Variants in CNTN5 observed in about 807,000 individuals in gnomAD.
CNTN5 encodes the protein contactin 5, also known as contactin-5.
CNTN5 carries 77 observed loss-of-function variants against 129.1 expected under a neutral mutation model. That is an observed-to-expected ratio of 0.60 (90% CI 0.50 to 0.72). The LOEUF (loss-of-function observed/expected upper bound fraction) is 0.72. Among genes scored for constraint, CNTN5 ranks in the 30% least tolerant of loss-of-function variants. CNTN5 has a pLI of 0.00. For missense variants in CNTN5, 1,478 were observed against 1,328.8 expected (o/e 1.11, Z -1.75); for synonymous variants, 509 against 465.6 (o/e 1.09, Z -1.20).
chr11:100,273,438 CAG>C (rs893873178), intron 18 of CNTN5, among the ~76,000 whole-genome samples: 2 of 152,120 alleles, frequency 1.3e-5, no homozygotes, highest in Non-Finnish European at 2.9e-5. Context: ...CCGTTGCAGA[CAG>C]AGTCTTAGTG....
intron 2 of CNTN5, among the ~76,000 whole-genome samples, chr11:99,406,145 AT>A (rs1324151039): frequency 1.1e-4 from 16 of 151,828 alleles, no homozygotes; most frequent in Admixed American, 9.2e-4. Context: ...AGAGTTAGAT[AT>A]ATATTGTAGT....
Position 99,978,377 on chromosome 11 carries a change from G to A in CNTN5, c.877+21368G>A, listed in dbSNP as rs539668728. Among the ~76,000 whole-genome samples, 57 of 152,188 alleles carry A rather than the reference G, an allele frequency of 3.7e-4. No individual in the cohort carries two copies. The South Asian group carries it at 7.9e-3, about 21-fold the overall frequency. ...TAACTTAATATATCTTAAGTGTGCC[G>A]TGTTTATAAAGTCAACAGTAATGTA... On this transcript the variant is annotated intron_variant, in intron 8 of 24. Coordinates refer to ENST00000524871, the MANE Select transcript of CNTN5 (RefSeq NM_014361.4).
At chr11:99,521,226 G>T (rs1328938568) in intron 2 of CNTN5, among the ~76,000 whole-genome samples, 4 of 152,092 alleles carry the variant, frequency 2.6e-5, no homozygotes, top group Non-Finnish European at 4.4e-5. Flanking sequence ...CTGGGGAAAA[G>T]ATGTGGCTGA....
intron 6 of CNTN5, among the ~76,000 whole-genome samples, chr11:99,869,419 CTTACA>C (rs1423196126): frequency 1.3e-5 from 2 of 152,016 alleles, no homozygotes; most frequent in African/African-American, 4.8e-5. Context: ...TTGAATATAT[CTTACA>C]TTAAAGAGAC....
chr11:99,921,689 C>T (rs1949943323), intron 7 of CNTN5, among the ~76,000 whole-genome samples: 1 of 152,126 alleles, frequency 6.6e-6, no homozygotes. Context: ...ATAAATTCTG[C>T]AGGTTTTGTT....
chr11:100,317,704 A>G (rs574738553), intron 21 of CNTN5, among the ~76,000 whole-genome samples: 1 of 152,296 alleles, frequency 6.6e-6, no homozygotes, highest in South Asian at 2.1e-4. Flanking sequence ...TTCTTGTCCT[A>G]TTGAAACACA....
intron 1 of CNTN5, among the ~76,000 whole-genome samples, chr11:99,115,466 G>T (rs1258167981): frequency 1.3e-5 from 2 of 152,040 alleles, no homozygotes; most frequent in Admixed American, 6.6e-5. Flanking sequence ...TCTTAGAAAA[G>T]ATAAAATACT....
chr11:99,306,855 G>A (rs768877308), intron 1 of CNTN5, among the ~76,000 whole-genome samples: 3 of 151,704 alleles, frequency 2.0e-5, no homozygotes, highest in East Asian at 1.9e-4. Flanking sequence ...GTTCAATAGT[G>A]CTAAGTACAA....
chr11:99,107,609 G>GA (rs896662153), intron 1 of CNTN5, among the ~76,000 whole-genome samples: 27 of 151,144 alleles, frequency 1.8e-4, no homozygotes, highest in African/African-American at 6.3e-4. Context: ...TTACATTGCA[G>GA]AAAAAAAAAT....
intron 1 of CNTN5, among the ~76,000 whole-genome samples, chr11:99,115,861 GC>G (rs1331220662): frequency 2.6e-5 from 4 of 152,112 alleles, no homozygotes; most frequent in Non-Finnish European, 5.9e-5. Flanking sequence ...GACACAGCTA[GC>G]ACTTTCAGAA....
chr11:99,527,601 C>G (rs1409284866), intron 2 of CNTN5, among the ~76,000 whole-genome samples: 1 of 151,156 alleles, frequency 6.6e-6, no homozygotes, highest in Non-Finnish European at 1.5e-5. Context: ...ACAAGGTAAA[C>G]AGAAAAAAAA....
At chr11:99,697,323 G>A (rs1591494013) in intron 3 of CNTN5, among the ~76,000 whole-genome samples, 1 of 151,650 alleles carries the variant, frequency 6.6e-6, no homozygotes, top group Admixed American at 6.6e-5. Context: ...GGGGGAGAGA[G>A]AGAGAGAGAA....
At chr11:99,760,486 G>A (rs1191840850) in intron 3 of CNTN5, among the ~76,000 whole-genome samples, 1 of 151,994 alleles carries the variant, frequency 6.6e-6, no homozygotes, top group Non-Finnish European at 1.5e-5. Flanking sequence ...CATACACTTT[G>A]GGTGAATTTT....
At chr11:99,328,183 G>T (rs1403149430) in intron 2 of CNTN5, among the ~76,000 whole-genome samples, 2 of 152,194 alleles carry the variant, frequency 1.3e-5, no homozygotes, top group Admixed American at 1.3e-4. Context: ...CATAAGTATT[G>T]TGTAAATTAA....
At chr11:99,266,769 T>TG (rs533630553) in intron 1 of CNTN5, among the ~76,000 whole-genome samples, 3 of 152,004 alleles carry the variant, frequency 2.0e-5, no homozygotes, top group Non-Finnish European at 4.4e-5. Context: ...AATTTTAGTA[T>TG]GGGGGGAGGT....
At chr11:99,681,269 C>T (rs1565421204) in intron 3 of CNTN5, among the ~76,000 whole-genome samples, 1 of 152,008 alleles carries the variant, frequency 6.6e-6, no homozygotes, top group Non-Finnish European at 1.5e-5. Context: ...AAGATTGATT[C>T]CAATTCTGAA....
At chr11:99,045,231 A>G (rs77614249) in intron 1 of CNTN5, among the ~76,000 whole-genome samples, 6,584 of 152,262 alleles carry the variant, frequency 0.043, 496 homozygotes, top group East Asian at 0.23. Context: ...GTGATTTTAA[A>G]TCTTTTGATT....
intron 13 of CNTN5, among the ~76,000 whole-genome samples, chr11:100,124,384 G>A (rs1202358453): frequency 6.6e-6 from 1 of 151,906 alleles, no homozygotes; most frequent in African/African-American, 2.4e-5. Flanking sequence ...TAAGGGCAAA[G>A]GTTTGTAAAT....
intron 3 of CNTN5, among the ~76,000 whole-genome samples, chr11:99,748,429 T>A (rs76464221): frequency 1.5e-5 from 2 of 135,474 alleles, no homozygotes; most frequent in East Asian, 2.6e-4. Context: ...AGAGAGAGAG[T>A]GAGAGAGACA....
Sources: gnomAD v4.1 joint callset for allele counts (sites outside exome capture counted in the v4.1 genomes callset) on GRCh38, gnomAD v4.1.1 for gene constraint, MANE v1.5 for transcripts, NCBI Gene and HGNC (gene_info 2026-07-23, HGNC 2026-07-21) for gene names.